Variants in BASP1 observed in about 807,000 individuals in gnomAD.
BASP1 encodes brain abundant membrane attached signal protein 1, also known as brain acid soluble protein 1.
Under a neutral mutation model 2.2 loss-of-function variants are expected in BASP1, and 1 was observed. The observed-to-expected ratio is 0.46, with a 90% confidence interval of 0.16 to 2.17. The LOEUF (loss-of-function observed/expected upper bound fraction) is 2.17. Among genes scored for constraint, BASP1 ranks in the 30% most tolerant of loss-of-function variants. The probability of loss-of-function intolerance (pLI) is 0.27; values close to 1 mark genes in which losing one functional copy is unlikely to be tolerated. For missense variants in BASP1, 352 were observed against 327.2 expected (o/e 1.08, Z -0.58); for synonymous variants, 187 against 154.2 (o/e 1.21, Z -1.58).
At chr5:17,233,398 C>A (rs1739675003) in intron 1 of BASP1, among the ~76,000 whole-genome samples, 1 of 152,218 alleles carries the variant, frequency 6.6e-6, no homozygotes, top group African/African-American at 2.4e-5. Context: ...CCTTCCCCTT[C>A]TTTGTGTTCC....
At chr5:17,264,501 T>C (rs1489836747) in intron 1 of BASP1, among the ~76,000 whole-genome samples, 1 of 152,234 alleles carries the variant, frequency 6.6e-6, no homozygotes, top group Non-Finnish European at 1.5e-5. Context: ...TAGTAGATGA[T>C]AGTTGCTTGT....
At chr5:17,227,953 T>A (rs1739550025) in intron 1 of BASP1, among the ~76,000 whole-genome samples, 1 of 152,226 alleles carries the variant, frequency 6.6e-6, no homozygotes, top group African/African-American at 2.4e-5. Context: ...TTCAAATGTT[T>A]GGTTTTCAGG....
intron 1 of BASP1, among the ~76,000 whole-genome samples, chr5:17,242,790 C>T (rs902000154): frequency 1.3e-5 from 2 of 150,188 alleles, no homozygotes; most frequent in African/African-American, 2.5e-5. Flanking sequence ...CCTTGCTCTG[C>T]GTGCTAATGT....
chr5:17,218,565 C>T (rs1235688293), intron 1 of BASP1, among the ~76,000 whole-genome samples: 3 of 152,080 alleles, frequency 2.0e-5, no homozygotes, highest in South Asian at 2.1e-4. Context: ...TCCAAGAATG[C>T]GCCAGGCGCC....
chr5:17,248,276 G>A (rs185598441), intron 1 of BASP1, among the ~76,000 whole-genome samples: 1 of 152,272 alleles, frequency 6.6e-6, no homozygotes, highest in Admixed American at 6.5e-5. Flanking sequence ...TCCGTTATCT[G>A]GAGTAGCCTC....
In BASP1 at chr5:17,251,800, G is replaced by GA. The variant is rs1004963522; in HGVS notation, c.-9-23405dup. 1.3e-5 allele frequency among the ~76,000 whole-genome samples: 2 copies of GA among 152,174 alleles called. No individual in the cohort carries two copies. The highest frequency in any genetic ancestry group is 4.8e-5 in the African/African-American group (2 of 41,430). On this transcript the variant is annotated intron_variant, in intron 1 of 1. Coordinates refer to ENST00000322611, the MANE Select transcript of BASP1 (RefSeq NM_006317.5). The surrounding 1 kb of genome is among the most constrained non-coding windows in gnomAD (Gnocchi z 4.0). ...TAATCTCTTGGGAGGGAGCAGAGGA[G>GA]AAAGAAGGTTCGGGTAGGTGAGAAA... is the stretch of plus-strand genomic sequence containing the variant.
At chr5:17,224,158 G>A (rs1193417337) in intron 1 of BASP1, among the ~76,000 whole-genome samples, 3 of 152,206 alleles carry the variant, frequency 2.0e-5, no homozygotes, top group East Asian at 1.9e-4. Context: ...TATGCCCAAG[G>A]ATTTGCTTTT....
intron 1 of BASP1, among the ~76,000 whole-genome samples, chr5:17,259,737 T>C (rs1215558607): frequency 6.6e-6 from 1 of 152,078 alleles, no homozygotes; most frequent in East Asian, 1.9e-4. Flanking sequence ...ATTTCTGGAG[T>C]AGGCAGGCTT....
chr5:17,252,131 G>T (rs991587971), intron 1 of BASP1, among the ~76,000 whole-genome samples: 19 of 152,284 alleles, frequency 1.2e-4, no homozygotes, highest in African/African-American at 4.6e-4. Flanking sequence ...GAGAAAGCTA[G>T]GTCTAGGGAG....
At chr5:17,265,269 A>AT (rs1740396030) in intron 1 of BASP1, among the ~76,000 whole-genome samples, 1 of 152,178 alleles carries the variant, frequency 6.6e-6, no homozygotes, top group Non-Finnish European at 1.5e-5. Context: ...GCAATGGTAT[A>AT]TTGGGGGGCT....
intron 1 of BASP1, among the ~76,000 whole-genome samples, chr5:17,268,976 T>C (rs958472688): frequency 3.0e-4 from 45 of 152,234 alleles, no homozygotes; most frequent in African/African-American, 1.0e-3. Flanking sequence ...TAATTTGCTT[T>C]GGAGGAAGAA....
chr5:17,225,781 T>C (rs2126489064), intron 1 of BASP1, among the ~76,000 whole-genome samples: 1 of 152,348 alleles, frequency 6.6e-6, no homozygotes, highest in African/African-American at 2.4e-5. Flanking sequence ...TTTCTAGCGT[T>C]ATCTGGCTTA....
chr5:17,267,582 GATCTC>G (rs1406089283), intron 1 of BASP1, among the ~76,000 whole-genome samples: 1 of 151,082 alleles, frequency 6.6e-6, no homozygotes, highest in Non-Finnish European at 1.5e-5. Flanking sequence ...GCGGTGGCAC[GATCTC>G]ATCCCGCTGC....
In BASP1 at chr5:17,235,914, C is replaced by T. The variant is rs962002286; in HGVS notation, c.-10+18104C>T. On this transcript the variant is annotated intron_variant, in intron 1 of 1. Coordinates refer to ENST00000322611, the MANE Select transcript of BASP1 (RefSeq NM_006317.5). ...CTAGACCTTCAGACACTACTTGGCC[C>T]AGAGTAATTGCTCTTTATGAATCAC... Among the ~76,000 whole-genome samples the T allele has an allele frequency of 5.9e-5, 9 of 152,298 alleles. No individual in the cohort carries two copies. In the East Asian group the frequency reaches 1.5e-3, roughly 26 times the overall value.
chr5:17,240,166 A>G (rs141715048), intron 1 of BASP1, among the ~76,000 whole-genome samples: 1 of 147,176 alleles, frequency 6.8e-6, no homozygotes, highest in African/African-American at 2.5e-5. Flanking sequence ...AAATAAATAA[A>G]TAACAGGTTG....
intron 1 of BASP1, among the ~76,000 whole-genome samples, chr5:17,241,252 A>G (rs1334257044): frequency 6.6e-6 from 1 of 151,954 alleles, no homozygotes; most frequent in East Asian, 1.9e-4. Flanking sequence ...GACATGTACC[A>G]CCAGTCCCGG....
At chr5:17,250,234 AC>A (rs1740073676) in intron 1 of BASP1, among the ~76,000 whole-genome samples, 3 of 152,194 alleles carry the variant, frequency 2.0e-5, no homozygotes, top group Admixed American at 1.3e-4. Context: ...GGCGTGAGCC[AC>A]CGCGCCCGGC....
chr5:17,230,666 C>T (rs914830784), intron 1 of BASP1, among the ~76,000 whole-genome samples: 24 of 151,976 alleles, frequency 1.6e-4, no homozygotes, highest in Admixed American at 2.6e-4. Flanking sequence ...CGAGTTCAAG[C>T]GATTCTCCTG....
chr5:17,269,092 A>G (rs1740481763), intron 1 of BASP1, among the ~76,000 whole-genome samples: 2 of 152,210 alleles, frequency 1.3e-5, no homozygotes, highest in Non-Finnish European at 1.5e-5. Context: ...GAGGACAAAA[A>G]CAAACGAACA....
Sources: gnomAD v4.1 joint callset for allele counts (sites outside exome capture counted in the v4.1 genomes callset) on GRCh38, gnomAD v4.1.1 for gene constraint, Gnocchi (gnomAD v3.1) non-coding constraint, MANE v1.5 for transcripts, NCBI Gene and HGNC (gene_info 2026-07-23, HGNC 2026-07-21) for gene names.